CNN2: variants seen among roughly 807,000 people sequenced by gnomAD.
CNN2 encodes calponin-2.
Under a neutral mutation model 31.0 loss-of-function variants are expected in CNN2, and 21 were observed. The ratio of observed to expected loss-of-function variants is 0.68; its 90% CI spans 0.48 to 0.98. The LOEUF is 0.98. Among genes scored for constraint, CNN2 ranks in the 50% least tolerant of loss-of-function variants. The probability of loss-of-function intolerance (pLI) is 0.00; values close to 1 mark genes in which losing one functional copy is unlikely to be tolerated. For missense variants in CNN2, 399 were observed against 427.3 expected (o/e 0.93, Z 0.58); for synonymous variants, 165 against 179.6 (o/e 0.92, Z 0.65).
chr19:1,033,671 C>G (rs1222619918), intron 4 of CNN2, among the ~76,000 whole-genome samples: 60 of 100,982 alleles, frequency 5.9e-4, no homozygotes, highest in Middle Eastern at 9.4e-3. Flanking sequence ...TGGTGTAGAC[C>G]GGGAGCGTGG....
chr19:1,030,295 G>A (rs1462771905), intron 1 of CNN2, among the ~76,000 whole-genome samples: 3 of 152,156 alleles, frequency 2.0e-5, no homozygotes, highest in Non-Finnish European at 2.9e-5. Context: ...GACTAGAGGC[G>A]GTCAGCCTCG....
rs1375913333 is a variant in CNN2, at chr19:1,038,664, TC to T, written c.*766del. On this transcript the variant is annotated 3_prime_UTR_variant, in exon 7 of 7. Coordinates refer to ENST00000263097, the MANE Select transcript of CNN2 (RefSeq NM_004368.4). ...ATCTTGGCTCACTGCACCTCCACCT[TC>T]CGGGCTCAAGCGATTCTCCAGCCTC... is the stretch of plus-strand genomic sequence containing the variant. 1 of 152,208 alleles carries T rather than the reference TC, an allele frequency of 6.6e-6. No homozygotes were observed. The highest frequency in any genetic ancestry group is 1.5e-5 in the Non-Finnish European group (1 of 68,078). 9.4% of individuals were successfully genotyped at this position (152,208 alleles called of 1,614,324 possible).
At position 1,032,377 on chromosome 19, in the gene CNN2, T is replaced by C. The variant is rs772815794; in HGVS notation, c.186-15T>C. The stretch of plus-strand genomic sequence containing the variant: ...AGAGGTTTCTGTTTCCCCCGCCCCA[T>C]GTTGTGCCCTCCAGACTCATGAACA... On this transcript the variant is annotated splice_polypyrimidine_tract_variant and intron_variant, in intron 2 of 6. Transcript: ENST00000263097. 1.1e-5 allele frequency: 17 copies of C among 1,613,000 alleles called. No homozygotes were observed. In the African/African-American group the frequency reaches 1.5e-4, roughly 14 times the overall value.
Position 1,030,900 on chromosome 19 carries a change from C to T in CNN2, c.64-171C>T, listed in dbSNP as rs375798583. On this transcript the variant is annotated intron_variant, in intron 1 of 6. Coordinates refer to ENST00000263097, the MANE Select transcript of CNN2 (RefSeq NM_004368.4). ...CCCGCCTGCAGTGGCTGGGGCGCCC[C>T]CAATGATGGGAAAAGGGAGCATCTG... is the stretch of plus-strand genomic sequence containing the variant. 5.6e-4 allele frequency: 466 copies of T among 827,698 alleles called. 1 individual carries two copies. The African/African-American group carries it at 7.4e-3, about 13-fold the overall frequency. 51.3% of individuals were successfully genotyped at this position (827,698 alleles called of 1,614,324 possible).
rs1243773942 is a variant in CNN2 at position 1,026,960 on chromosome 19, C to G, written c.63+236C>G. 3 of 493,042 alleles carry G rather than the reference C, an allele frequency of 6.1e-6. No homozygotes were observed. In the African/African-American group the frequency reaches 6.2e-5, roughly 10 times the overall value. The allele number at this position is 493,042 out of a possible 1,614,324, so 30.5% of individuals were successfully genotyped here. A position where few individuals can be genotyped will look rare whatever the true frequency, so the allele number is the denominator to read the frequency against. On this transcript the variant is annotated intron_variant, in intron 1 of 6. Coordinates refer to ENST00000263097, the MANE Select transcript of CNN2 (RefSeq NM_004368.4). Reference sequence around the variant, plus strand: ...GATCTGGGGGACGAGTGACCCATTCCCCCCCCCAACATCTAGGGGTAGTTG... The same window carrying G: ...GATCTGGGGGACGAGTGACCCATTCGCCCCCCCAACATCTAGGGGTAGTTG...
intron 2 of CNN2, among the ~76,000 whole-genome samples, chr19:1,031,594 A>C (rs988877880): frequency 7.3e-6 from 1 of 137,304 alleles, no homozygotes; most frequent in African/African-American, 2.7e-5. Context: ...AAAAAAAGTT[A>C]GCTGGGCGTG....
Position 1,038,745 on chromosome 19 carries a change from T to G in CNN2, c.*845T>G, listed in dbSNP as rs904316513. On this transcript the variant is annotated 3_prime_UTR_variant, in exon 7 of 7. Transcript: ENST00000263097. ...CTCCACCACGCCCGGCTAATTTTTG[T>G]ATTTTTAGTAGAGATGGGGTTTCCC... The G allele has an allele frequency of 6.6e-6, 1 of 152,372 alleles. No individual in the cohort carries two copies. The highest frequency in any genetic ancestry group is 6.5e-5 in the Admixed American group (1 of 15,294). The allele number at this position is 152,372 out of a possible 1,614,324, so 9.4% of individuals were successfully genotyped here. A position where few individuals can be genotyped will look rare whatever the true frequency, so the allele number is the denominator to read the frequency against.
At chr19:1,035,858 G>C (rs996201233) in intron 4 of CNN2, among the ~76,000 whole-genome samples, 3 of 152,150 alleles carry the variant, frequency 2.0e-5, no homozygotes, top group Non-Finnish European at 4.4e-5. Flanking sequence ...GGAGGAGGGG[G>C]TTGCAGTGAG....
chr19:1,038,037 G>A lies in CNN2; in HGVS notation c.*137G>A. On this transcript the variant is annotated 3_prime_UTR_variant, in exon 7 of 7. Coordinates refer to ENST00000263097, the MANE Select transcript of CNN2 (RefSeq NM_004368.4). ...CAAGGGTCTGTGAGTGTCAGCGTGG[G>A]ATCAGGCAGCAGAGCTTTTTTCCCC... The A allele has an allele frequency of 1.1e-6, 1 of 905,338 alleles. No homozygotes were observed. Among genetic ancestry groups the A allele is most frequent in the Admixed American group, 3.0e-5 (1 of 33,886 alleles). The allele number at this position is 905,338 out of a possible 1,614,324, so 56.1% of individuals were successfully genotyped here. A position where few individuals can be genotyped will look rare whatever the true frequency, so the allele number is the denominator to read the frequency against.
At chr19:1,032,035 C>T (rs183243529) in intron 2 of CNN2, among the ~76,000 whole-genome samples, 1 of 151,974 alleles carries the variant, frequency 6.6e-6, no homozygotes, top group Non-Finnish European at 1.5e-5. Flanking sequence ...CGAGACCAGC[C>T]TGGACAACAT....
At chr19:1,026,876 G>T in intron 1 of CNN2, 152 bp downstream of exon 1, 1 of 718,622 alleles carries the variant, frequency 1.4e-6, no homozygotes, top group South Asian at 2.1e-5. Context: ...GCCTGGTGGG[G>T]GGATGTCTGC....
intron 6 of CNN2, chr19:1,036,812 C>A (rs1266954976): frequency 6.7e-6 from 4 of 600,416 alleles, no homozygotes; most frequent in Non-Finnish European, 1.2e-5. Flanking sequence ...AAGGACTGCC[C>A]AAAGGTCCAC....
Position 1,038,063 on chromosome 19 carries a change from T to A in CNN2, c.*163T>A. The A allele has an allele frequency of 1.4e-6, 1 of 734,394 alleles. No individual in the cohort carries two copies. Among genetic ancestry groups the A allele is most frequent in the South Asian group, 2.0e-5 (1 of 49,034 alleles). 45.5% of individuals were successfully genotyped at this position (734,394 alleles called of 1,614,324 possible). A position where few individuals can be genotyped will look rare whatever the true frequency, so the allele number is the denominator to read the frequency against. ...ATCAGGCAGCAGAGCTTTTTTCCCC[T>A]TTGCCTTGATCCTTCGCAAGGCTGA... On this transcript the variant is annotated 3_prime_UTR_variant, in exon 7 of 7. Transcript: ENST00000263097.
In CNN2 at chr19:1,037,704, T is replaced by C. The variant is rs779312352; in HGVS notation, c.734T>C (p.Met245Thr). Residue 245 changes from methionine to threonine, a missense_variant, in exon 7 of 7, where the codon ATG becomes ACG. Transcript: ENST00000263097. ...ACCGACAAGTGTGACAACTCCTCCA[T>C]GTCCCTGCAGATGGGCTACACGCAG... ...LGTDKCDNSS[M>T]SLQMGYTQGA... 4 of 1,611,572 alleles carry C rather than the reference T, an allele frequency of 2.5e-6. No individual in the cohort carries two copies. The highest frequency in any genetic ancestry group is 2.2e-5 in the South Asian group (2 of 91,004).
In CNN2 at chr19:1,031,129, T is replaced by A. The variant is rs2144619090; in HGVS notation, c.122T>A (p.Leu41His). Residue 41 changes from leucine to histidine, a missense_variant, in exon 2 of 7, where the codon CTC becomes CAC. Transcript: ENST00000263097. ...GAGCTCCGCACCTGGATCGAGGGAC[T>A]CACCGGCCTCTCCATCGGCCCCGAC... is the stretch of plus-strand genomic sequence containing the variant. ...EAELRTWIEG[L>H]TGLSIGPDFQ... The A allele has an allele frequency of 6.2e-7, 1 of 1,613,288 alleles. No individual in the cohort carries two copies. The highest frequency in any genetic ancestry group is 1.1e-5 in the South Asian group (1 of 91,080).
In CNN2 at chr19:1,035,963, T is replaced by TGTGGAGTGTGTGGAGTCCCA. The variant is rs1167233136; in HGVS notation, c.391-165_391-146dup. 4 of 983,776 alleles carry TGTGGAGTGTGTGGAGTCCCA rather than the reference T, an allele frequency of 4.1e-6. No individual in the cohort carries two copies. In the East Asian group the frequency reaches 1.2e-4, roughly 29 times the overall value. 60.9% of individuals were successfully genotyped at this position (983,776 alleles called of 1,614,324 possible). On this transcript the variant is annotated intron_variant, in intron 4 of 6. Transcript: ENST00000263097. ...AACTGAAACAGCTGTATGATGGGTG[T>TGTGGAGTGTGTGGAGTCCCA]GTGGAGTGTGTGGAGTCCCAGACAC...
rs372096638 is a variant in CNN2, at chr19:1,031,212, C to A, written c.185+20C>A. ...ATGCACGTGAGTACACGCAGGGACA[C>A]AGGCTGTCTCACACTTAACAAATCT... On this transcript the variant is annotated intron_variant, in intron 2 of 6. Coordinates refer to ENST00000263097, the MANE Select transcript of CNN2 (RefSeq NM_004368.4). 5 of 1,580,838 alleles carry A rather than the reference C, an allele frequency of 3.2e-6. No homozygotes were observed. The highest frequency in any genetic ancestry group is 4.3e-6 in the Non-Finnish European group (5 of 1,159,600).
Position 1,026,673 on chromosome 19 carries a change from G to C in CNN2, c.12G>C (p.Thr4=), listed in dbSNP as rs1267531589. Residue 4 remains threonine, a synonymous_variant, in exon 1 of 7, where the codon ACG becomes ACC. Coordinates refer to ENST00000263097, the MANE Select transcript of CNN2 (RefSeq NM_004368.4). MSS[T]QFNKGPSYGL... is the part of the protein sequence containing the mutation. Reference sequence around the variant, plus strand: ...CCCGCCCGCCAGCCATGAGCTCCACGCAGTTCAACAAGGGCCCCTCGTACG... The same window carrying C: ...CCCGCCCGCCAGCCATGAGCTCCACCCAGTTCAACAAGGGCCCCTCGTACG... 5 of 1,546,812 alleles carry C rather than the reference G, an allele frequency of 3.2e-6. No homozygotes were observed. The African/African-American group carries it at 5.5e-5, about 17-fold the overall frequency.
At position 1,037,943 on chromosome 19, in the gene CNN2, G is replaced by T; in HGVS notation, c.*43G>T. 1.4e-6 allele frequency: 2 copies of T among 1,429,740 alleles called. No homozygotes were observed. The highest frequency in any genetic ancestry group is 1.8e-6 in the Non-Finnish European group (2 of 1,094,786). The allele number at this position is 1,429,740 out of a possible 1,614,324, so 88.6% of individuals were successfully genotyped here. On this transcript the variant is annotated 3_prime_UTR_variant, in exon 7 of 7. Transcript: ENST00000263097. ...CTCCCCACATCGTCTGCCCATCTGG[G>T]TTTTTGGGTTTTTCTGTGTTTTCAT...
Sources: allele counts gnomAD v4.1 joint callset (sites outside exome capture counted in the v4.1 genomes callset), GRCh38; gene constraint gnomAD v4.1.1; transcripts MANE v1.5; gene names NCBI Gene and HGNC (gene_info 2026-07-23, HGNC 2026-07-21).